ARHGAP22: variants seen among roughly 807,000 people sequenced by gnomAD.
The protein encoded by ARHGAP22 is rho GTPase-activating protein 22.
A neutral mutation model predicts 59.1 loss-of-function variants in ARHGAP22; 48 were observed. That is an observed-to-expected ratio of 0.81 (90% CI 0.64 to 1.03). The LOEUF (loss-of-function observed/expected upper bound fraction) is 1.03, where lower values mean the gene tolerates loss of function less well. Ranked by LOEUF, ARHGAP22 falls within the 50% of genes least tolerant of loss-of-function variation. The probability of loss-of-function intolerance (pLI) is 0.00; values close to 1 mark genes in which losing one functional copy is unlikely to be tolerated. For synonymous variants in ARHGAP22, 445 were observed against 416.4 expected, an observed-to-expected ratio of 1.07 and a Z score of -0.84; for missense variants, 1,015 against 958.7, an observed-to-expected ratio of 1.06 and a Z score of -0.78.
At chr10:48,485,881 A>G (rs895778912) in intron 3 of ARHGAP22, among the ~76,000 whole-genome samples, 1 of 152,106 alleles carries the variant, frequency 6.6e-6, no homozygotes, top group African/African-American at 2.4e-5. Flanking sequence ...GTGTCTTTAC[A>G]TTTTAAGTGC....
chr10:48,609,611 A>T (rs951018985), upstream of ARHGAP22, among the ~76,000 whole-genome samples: 12 of 152,288 alleles, frequency 7.9e-5, no homozygotes, highest in Non-Finnish European at 1.2e-4. Flanking sequence ...TATAGCCGAC[A>T]TTCTCACTGG....
chr10:48,501,998 G>C (rs1056394041), intron 3 of ARHGAP22, among the ~76,000 whole-genome samples: 1 of 152,190 alleles, frequency 6.6e-6, no homozygotes, highest in African/African-American at 2.4e-5. Context: ...ACAGATGACT[G>C]TCTTGATTGA....
chr10:48,631,992 C>T (rs548952490), intron 1 of ARHGAP22, among the ~76,000 whole-genome samples: 86 of 152,136 alleles, frequency 5.7e-4, no homozygotes, highest in African/African-American at 2.0e-3. Flanking sequence ...TATTTCAATA[C>T]TTTTGGGGTA....
At chr10:48,448,143 T>A (rs573672243) in intron 9 of ARHGAP22, among the ~76,000 whole-genome samples, 64 of 152,286 alleles carry the variant, frequency 4.2e-4, no homozygotes, top group African/African-American at 1.5e-3. Flanking sequence ...AACCAGAGCA[T>A]TGCCCAGGCC....
chr10:48,635,160 C>A (rs907920152), intron 1 of ARHGAP22, among the ~76,000 whole-genome samples: 7 of 152,144 alleles, frequency 4.6e-5, no homozygotes, highest in Non-Finnish European at 8.8e-5. Flanking sequence ...TAGGCTCCTT[C>A]TGGGTCCACC....
chr10:48,626,532 C>A (rs1404244031), intron 1 of ARHGAP22, among the ~76,000 whole-genome samples: 1 of 152,188 alleles, frequency 6.6e-6, no homozygotes, highest in East Asian at 1.9e-4. Flanking sequence ...CTGTTCCAGA[C>A]CCATGGCACA....
upstream of ARHGAP22, among the ~76,000 whole-genome samples, chr10:48,605,533 CTT>C (rs1456545613): frequency 6.6e-6 from 1 of 152,160 alleles, no homozygotes; most frequent in Non-Finnish European, 1.5e-5. Flanking sequence ...GCAGGAAGCA[CTT>C]AACTCAGGGC....
chr10:48,540,580 T>C (rs532601589), intron 3 of ARHGAP22, among the ~76,000 whole-genome samples: 14 of 152,224 alleles, frequency 9.2e-5, no homozygotes, highest in African/African-American at 3.4e-4. Flanking sequence ...ATTTACCCTA[T>C]AGAAATCTAT....
At chr10:48,519,186 C>T (rs1014299756) in intron 3 of ARHGAP22, among the ~76,000 whole-genome samples, 9 of 152,210 alleles carry the variant, frequency 5.9e-5, no homozygotes, top group African/African-American at 2.2e-4. Context: ...ACAGCAGAAC[C>T]GGTCCTATCA....
intron 1 of ARHGAP22, among the ~76,000 whole-genome samples, chr10:48,615,040 G>A (rs887840070): frequency 6.6e-6 from 1 of 152,182 alleles, no homozygotes; most frequent in Admixed American, 6.5e-5. Context: ...CTAACCTAAA[G>A]CTCTGGAGAA....
At chr10:48,487,231 A>G (rs1169124496) in intron 3 of ARHGAP22, among the ~76,000 whole-genome samples, 1 of 152,122 alleles carries the variant, frequency 6.6e-6, no homozygotes, top group Admixed American at 6.5e-5. Flanking sequence ...TGTTTTTGTT[A>G]AATTTTTTTT....
chr10:48,605,209 T>A (rs2060619848), upstream of ARHGAP22: 1 of 996,696 alleles, frequency 1.0e-6, no homozygotes, highest in Non-Finnish European at 1.2e-6. Flanking sequence ...CGGGAGAGGG[T>A]ACTGGGGTTC....
At chr10:48,517,775 A>T (rs974592265) in intron 3 of ARHGAP22, among the ~76,000 whole-genome samples, 1 of 152,200 alleles carries the variant, frequency 6.6e-6, no homozygotes, top group African/African-American at 2.4e-5. Flanking sequence ...GTTGCTAGGC[A>T]CACCAGCAGT....
At chr10:48,503,997 C>G (rs2051810780) in intron 3 of ARHGAP22, among the ~76,000 whole-genome samples, 1 of 152,182 alleles carries the variant, frequency 6.6e-6, no homozygotes, top group Non-Finnish European at 1.5e-5. Context: ...AAAATCAAAG[C>G]CTGAGGAAAA....
intron 1 of ARHGAP22, among the ~76,000 whole-genome samples, chr10:48,626,030 G>A (rs1270076869): frequency 6.6e-6 from 1 of 152,170 alleles, no homozygotes; most frequent in East Asian, 1.9e-4. Context: ...AAGCAGCCAT[G>A]TCCCTTCTTT....
chr10:48,509,775 C>T (rs529167017), intron 3 of ARHGAP22, among the ~76,000 whole-genome samples: 5 of 152,308 alleles, frequency 3.3e-5, no homozygotes, highest in South Asian at 4.1e-4. Context: ...CCTGCTACTC[C>T]GGATTTCCAG....
intron 3 of ARHGAP22, among the ~76,000 whole-genome samples, chr10:48,526,122 A>G (rs553266866): frequency 2.0e-5 from 3 of 151,982 alleles, no homozygotes; most frequent in East Asian, 1.9e-4. Context: ...CCCTACCACA[A>G]TTCCATTTGG....
intron 1 of ARHGAP22, among the ~76,000 whole-genome samples, chr10:48,625,657 C>T (rs2061423012): frequency 2.0e-5 from 3 of 151,440 alleles, no homozygotes; most frequent in African/African-American, 7.3e-5. Flanking sequence ...GCTCACATTG[C>T]CCCTTTTTGC....
At chr10:48,436,504 T>A in the ARHGAP22 span, 1 of 152,220 alleles carries the variant, frequency 6.6e-6, no homozygotes, top group Non-Finnish European at 1.5e-5. Context: ...GGATTTCATG[T>A]AATGAACTAG....
Sources: allele counts gnomAD v4.1 joint callset (sites outside exome capture counted in the v4.1 genomes callset), GRCh38; gene constraint gnomAD v4.1.1; transcripts MANE v1.5; gene names NCBI Gene and HGNC (gene_info 2026-07-23, HGNC 2026-07-21).